PCCA: variants seen among roughly 807,000 people sequenced by gnomAD.
PCCA encodes the protein propionyl-CoA carboxylase subunit alpha.
PCCA carries 74 observed loss-of-function variants against 101.3 expected under a neutral mutation model. That is an observed-to-expected ratio of 0.73 (90% confidence interval 0.61 to 0.89). The LOEUF (loss-of-function observed/expected upper bound fraction) is 0.89, where lower values mean the gene tolerates loss of function less well. Among genes scored for constraint, PCCA ranks in the 40% least tolerant of loss-of-function variants. The probability of loss-of-function intolerance (pLI) is 0.00; values close to 1 mark genes in which losing one functional copy is unlikely to be tolerated. For synonymous variants in PCCA, 294 were observed against 313.6 expected (o/e 0.94, Z 0.66); for missense variants, 891 against 907.0 (o/e 0.98, Z 0.23).
rs373705419 is a variant in PCCA at position 100,437,520 on chromosome 13, T to C, written c.1846-11732T>C. ...TTTAAGGAAAATGAAATAACTATTT[T>C]ATATTTATTTGTTTATTTGTTTTTT... On this transcript the variant is annotated intron_variant, in intron 20 of 23. Transcript: ENST00000376285. 4.1e-5 allele frequency among the ~76,000 whole-genome samples: 6 copies of C among 147,404 alleles called. No individual in the cohort carries two copies. The East Asian group carries it at 1.2e-3, about 30-fold the overall frequency.
intron 12 of PCCA, among the ~76,000 whole-genome samples, chr13:100,292,356 A>T (rs1281656261): frequency 5.3e-5 from 8 of 152,242 alleles, no homozygotes; most frequent in Admixed American, 5.2e-4. Flanking sequence ...CTGTGTGACC[A>T]TAAGCAAGTT....
chr13:100,105,871 A>T lies in PCCA; in HGVS notation c.183+2911A>T, dbSNP rs1566477836. Among the ~76,000 whole-genome samples, 18 of 146,848 alleles carry T rather than the reference A, an allele frequency of 1.2e-4. No individual in the cohort carries two copies. In the South Asian group the frequency reaches 3.8e-3, roughly 31 times the overall value. ...AAAAAAAAAAAAAAAAAAAAAAAAA[A>T]AAAAAAGAAAAGAAAAGGAAAAAAA... On this transcript the variant is annotated intron_variant, in intron 2 of 23. Coordinates refer to ENST00000376285, the MANE Select transcript of PCCA (RefSeq NM_000282.4).
At chr13:100,113,017 AT>A (rs1365030129) in intron 4 of PCCA, among the ~76,000 whole-genome samples, 1 of 152,228 alleles carries the variant, frequency 6.6e-6, no homozygotes, top group Non-Finnish European at 1.5e-5. Flanking sequence ...TCATTGTCTC[AT>A]ACTACTTTTG....
chr13:100,299,158 G>A (rs888561333), intron 12 of PCCA, among the ~76,000 whole-genome samples: 6 of 152,156 alleles, frequency 3.9e-5, no homozygotes, highest in African/African-American at 1.4e-4. Context: ...CTGCTTAGTT[G>A]CTTCTAATTT....
chr13:100,135,840 C>T (rs1181974622), intron 4 of PCCA, among the ~76,000 whole-genome samples: 1 of 152,072 alleles, frequency 6.6e-6, no homozygotes, highest in Non-Finnish European at 1.5e-5. Context: ...CCTGTCTACT[C>T]CTAATCTGCC....
At chr13:100,201,890 C>CAAAAAA in intron 6 of PCCA, among the ~76,000 whole-genome samples, 1 of 128,998 alleles carries the variant, frequency 7.8e-6, no homozygotes, top group Non-Finnish European at 1.7e-5. Context: ...AAAAAAAAAC[C>CAAAAAA]AAAAGCAGGG....
Position 100,089,116 on chromosome 13 carries a change from C to T in PCCA, c.-5C>T, listed in dbSNP as rs886049926. ...TCAGCAGAGGGGCGGTCTGCGGGGA[C>T]AACAATGGCGGGGTTCTGGGTCGGG... On this transcript the variant is annotated 5_prime_UTR_variant, in exon 1 of 24. Coordinates refer to ENST00000376285, the MANE Select transcript of PCCA (RefSeq NM_000282.4). The T allele has an allele frequency of 1.3e-6, 2 of 1,493,476 alleles. No homozygotes were observed. Among genetic ancestry groups the T allele is most frequent in the Non-Finnish European group, 1.8e-6 (2 of 1,117,884 alleles). 92.5% of individuals were successfully genotyped at this position (1,493,476 alleles called of 1,614,324 possible).
At chr13:100,337,904 A>G (rs777956666) in intron 17 of PCCA, among the ~76,000 whole-genome samples, 60 of 152,350 alleles carry the variant, frequency 3.9e-4, no homozygotes, top group Non-Finnish European at 5.3e-4. Context: ...ATAAACACAC[A>G]CAACATTTTC....
At position 100,451,715 on chromosome 13, in the gene PCCA, CCTCTCT is replaced by C. The variant is rs71114697; in HGVS notation, c.1899+2429_1899+2434del. Among the ~76,000 whole-genome samples the C allele has an allele frequency of 1.6e-3, 153 of 96,070 alleles. 1 individual carries two copies. Among genetic ancestry groups the C allele is most frequent in the Middle Eastern group, 6.6e-3 (1 of 152 alleles). 63.0% of individuals were successfully genotyped at this position (96,070 alleles called of 152,430 possible). A position where few individuals can be genotyped will look rare whatever the true frequency, so the allele number is the denominator to read the frequency against. On this transcript the variant is annotated intron_variant, in intron 21 of 23. Coordinates refer to ENST00000376285, the MANE Select transcript of PCCA (RefSeq NM_000282.4). ...CTCCTCTTCCCCTCCTCTCCTCTCT[CCTCTCT>C]CTCTCTCTCTCTCTCTCTTCTCTCC... is the stretch of plus-strand genomic sequence containing the variant.
chr13:100,317,905 G>GC (rs946236928), intron 16 of PCCA, among the ~76,000 whole-genome samples: 1 of 152,006 alleles, frequency 6.6e-6, no homozygotes, highest in Non-Finnish European at 1.5e-5. Flanking sequence ...CCCCATTCTT[G>GC]CCATCAGTCC....
At chr13:100,520,079 G>T (rs536138321) in intron 22 of PCCA, among the ~76,000 whole-genome samples, 20 of 152,376 alleles carry the variant, frequency 1.3e-4, no homozygotes, top group African/African-American at 3.1e-4. Flanking sequence ...AGAGATCCAT[G>T]CATTTGTTAA....
intron 12 of PCCA, among the ~76,000 whole-genome samples, chr13:100,273,714 A>G (rs191077934): frequency 4.3e-4 from 66 of 152,278 alleles, no homozygotes; most frequent in African/African-American, 1.5e-3. Context: ...GGAGGAAGGA[A>G]GGGTACCCAG....
At chr13:100,508,832 T>G (rs1162013166) in intron 21 of PCCA, among the ~76,000 whole-genome samples, 1 of 152,178 alleles carries the variant, frequency 6.6e-6, no homozygotes, top group Non-Finnish European at 1.5e-5. Context: ...TTCAGGCTAT[T>G]TATTGTGCTG....
At chr13:100,257,188 T>G (rs2062132256) in intron 8 of PCCA, among the ~76,000 whole-genome samples, 1 of 152,130 alleles carries the variant, frequency 6.6e-6, no homozygotes, top group Admixed American at 6.5e-5. Context: ...AAAATCACCA[T>G]TTTTGAAAAA....
At chr13:100,324,033 A>G (rs2068367153) in intron 16 of PCCA, among the ~76,000 whole-genome samples, 1 of 152,222 alleles carries the variant, frequency 6.6e-6, no homozygotes, top group South Asian at 2.1e-4. Flanking sequence ...TTTCTTATGC[A>G]GCATGATGGT....
At chr13:100,526,740 G>A (rs1241553170) in intron 22 of PCCA, among the ~76,000 whole-genome samples, 2 of 152,254 alleles carry the variant, frequency 1.3e-5, no homozygotes, top group Admixed American at 6.5e-5. Flanking sequence ...CTGACCCATC[G>A]GGGCAGAGCG....
At chr13:100,485,255 T>C (rs2084281616) in intron 21 of PCCA, among the ~76,000 whole-genome samples, 1 of 152,222 alleles carries the variant, frequency 6.6e-6, no homozygotes, top group Non-Finnish European at 1.5e-5. Context: ...CTTTGTTCTT[T>C]AAAGCACTGG....
In PCCA at chr13:100,096,685, C is replaced by T. The variant is rs373064649; in HGVS notation, c.106-6198C>T. 3.9e-5 allele frequency among the ~76,000 whole-genome samples: 6 copies of T among 152,164 alleles called. No homozygotes were observed. The East Asian group carries it at 5.8e-4, about 15-fold the overall frequency. On this transcript the variant is annotated intron_variant, in intron 1 of 23. Coordinates refer to ENST00000376285, the MANE Select transcript of PCCA (RefSeq NM_000282.4). The stretch of plus-strand genomic sequence containing the variant: ...AAATTAGAAGTGCTACTCCAGTGAG[C>T]GCACAACTGATTAAAAAAAGTGAAA...
intron 17 of PCCA, 64 bp downstream of exon 17, chr13:100,330,735 A>C (rs1456455198): frequency 1.1e-6 from 1 of 946,306 alleles, no homozygotes; most frequent in Non-Finnish European, 1.7e-6. Context: ...ATTGTAATAC[A>C]TAATTTCACT....
Sources: gnomAD v4.1 joint callset for allele counts (sites outside exome capture counted in the v4.1 genomes callset) on GRCh38, gnomAD v4.1.1 for gene constraint, MANE v1.5 for transcripts, NCBI Gene and HGNC (gene_info 2026-07-23, HGNC 2026-07-21) for gene names.